The following DPYSL3 variants were observed in gnomAD, a reference collection of about 807,000 sequenced individuals.
The protein encoded by DPYSL3 is dihydropyrimidinase-related protein 3.
DPYSL3 carries 16 observed loss-of-function variants against 66.1 expected under a neutral mutation model. The observed-to-expected ratio is 0.24, with a 90% CI of 0.16 to 0.37. The LOEUF (loss-of-function observed/expected upper bound fraction) is 0.37. Among genes scored for constraint, DPYSL3 ranks in the 10% least tolerant of loss-of-function variants. The pLI is 1.00. For synonymous variants in DPYSL3, 338 were observed against 345.1 expected (o/e 0.98, Z 0.23); for missense variants, 738 against 916.2 (o/e 0.81, Z 2.51).
intron 9 of DPYSL3, 63 bp downstream of exon 9, chr5:147,401,476 AC>A: frequency 2.0e-6 from 3 of 1,518,066 alleles, no homozygotes; most frequent in Non-Finnish European, 2.7e-6. Flanking sequence ...CCTGTCCTCA[AC>A]CCCCAGCTGG....
At chr5:147,447,078 A>G (rs901653466) in intron 1 of DPYSL3, among the ~76,000 whole-genome samples, 1 of 152,234 alleles carries the variant, frequency 6.6e-6, no homozygotes, top group Non-Finnish European at 1.5e-5. Context: ...TCTCTCCAGA[A>G]TGCAAAATGA....
intron 12 of DPYSL3, among the ~76,000 whole-genome samples, chr5:147,396,740 T>C (rs1757985830): frequency 6.6e-6 from 1 of 152,048 alleles, no homozygotes. Flanking sequence ...AGGGTCAATA[T>C]TGGGGAAGTC....
chr5:147,393,317 A>G lies in DPYSL3; in HGVS notation c.*718T>C, dbSNP rs1757867921. On this transcript the variant is annotated 3_prime_UTR_variant, in exon 14 of 14. Transcript: ENST00000343218. ...GGAAAGAGAAGGATTTGAAAGCAAC[A>G]CTAAGAAAGAGGCCTGAGCAAACAC... 1 of 152,380 alleles carries G rather than the reference A, an allele frequency of 6.6e-6. No homozygotes were observed. The highest frequency in any genetic ancestry group is 2.1e-4 in the South Asian group (1 of 4,822). 9.4% of individuals were successfully genotyped at this position (152,380 alleles called of 1,614,324 possible).
At chr5:147,422,822 G>C (rs1044488595) in intron 2 of DPYSL3, among the ~76,000 whole-genome samples, 1 of 152,018 alleles carries the variant, frequency 6.6e-6, no homozygotes, top group African/African-American at 2.4e-5. Flanking sequence ...TATGGGCACG[G>C]GGAGGCGAAC....
intron 2 of DPYSL3, among the ~76,000 whole-genome samples, chr5:147,423,187 T>C (rs1337279176): frequency 6.6e-6 from 1 of 152,212 alleles, no homozygotes; most frequent in East Asian, 1.9e-4. Context: ...AATTGTGGCT[T>C]ATATTTTGAA....
rs1465082528 is a variant in DPYSL3 at position 147,429,595 on chromosome 5, G to C, written c.382-4632C>G. Among the ~76,000 whole-genome samples the C allele has an allele frequency of 3.3e-5, 5 of 152,154 alleles. No individual in the cohort carries two copies. The South Asian group carries it at 6.2e-4, about 19-fold the overall frequency. On this transcript the variant is annotated intron_variant, in intron 1 of 13. Transcript: ENST00000343218. ...GTTTTTAAGCCTTAAGTATGTTGGT[G>C]AGAGACTATTTCTATTTTCCAAATG...
At chr5:147,507,981 A>G (rs527445883) in intron 1 of DPYSL3, among the ~76,000 whole-genome samples, 1 of 152,334 alleles carries the variant, frequency 6.6e-6, no homozygotes, top group Non-Finnish European at 1.5e-5. Flanking sequence ...GGAAGGGAAC[A>G]TTTCAATATG....
chr5:147,405,903 G>T, intron 7 of DPYSL3, 173 bp from the exon 8 acceptor site: 1 of 746,478 alleles, frequency 1.3e-6, no homozygotes, highest in Non-Finnish European at 2.0e-6. Context: ...TCCTAACTGT[G>T]TCACTTTACT....
At chr5:147,429,789 T>C (rs192768083) in intron 1 of DPYSL3, among the ~76,000 whole-genome samples, 145 of 152,242 alleles carry the variant, frequency 9.5e-4, no homozygotes, top group South Asian at 4.1e-4. Flanking sequence ...CTGACAGGGC[T>C]CTCTTCTCTA....
Position 147,424,696 on chromosome 5 carries a change from C to A in DPYSL3, c.470+179G>T, listed in dbSNP as rs149949365. ...GATGATGGCCACATCTTCCACTTTT[C>A]CATGACCCGTAGAATGCTCATCAAT... On this transcript the variant is annotated intron_variant, in intron 2 of 13. Transcript: ENST00000343218. Among the ~76,000 whole-genome samples, 186 of 152,298 alleles carry A rather than the reference C, an allele frequency of 1.2e-3. 5 individuals are homozygous for A. In the East Asian group the frequency reaches 0.03, roughly 25 times the overall value.
At chr5:147,469,503 G>C (rs1312292975) in intron 1 of DPYSL3, among the ~76,000 whole-genome samples, 3 of 152,188 alleles carry the variant, frequency 2.0e-5, no homozygotes, top group East Asian at 1.9e-4. Flanking sequence ...AAATGTTGGA[G>C]AGGTCCTGAT....
chr5:147,412,823 T>G, intron 5 of DPYSL3, 135 bp from the exon 6 acceptor site: 1 of 738,598 alleles, frequency 1.4e-6, no homozygotes, highest in Non-Finnish European at 2.3e-6. Flanking sequence ...AAATATATAT[T>G]ACATAGGCAT....
intron 1 of DPYSL3, chr5:147,473,344 C>A (rs1246372551): frequency 6.6e-6 from 1 of 152,080 alleles, no homozygotes; most frequent in South Asian, 2.1e-4. Flanking sequence ...CAGTAATAAA[C>A]CTGAAGAATG....
At chr5:147,415,373 C>A (rs565225417) in intron 4 of DPYSL3, among the ~76,000 whole-genome samples, 3 of 152,228 alleles carry the variant, frequency 2.0e-5, no homozygotes, top group South Asian at 4.2e-4. Context: ...CCTCTCCTAA[C>A]CTCAGTTTCT....
intron 1 of DPYSL3, among the ~76,000 whole-genome samples, chr5:147,437,550 A>G (rs1285024021): frequency 6.6e-6 from 1 of 152,210 alleles, no homozygotes; most frequent in Non-Finnish European, 1.5e-5. Flanking sequence ...CAGAACACTC[A>G]GCTGTGGTGC....
intron 7 of DPYSL3, chr5:147,405,966 G>C (rs1033493812): frequency 4.3e-5 from 16 of 375,036 alleles, no homozygotes; most frequent in African/African-American, 3.1e-4. Flanking sequence ...GCACAGCATT[G>C]TCATCTGAGA....
At chr5:147,400,586 C>G in intron 10 of DPYSL3, 106 bp downstream of exon 10, 1 of 1,430,470 alleles carries the variant, frequency 7.0e-7, no homozygotes, top group Non-Finnish European at 9.5e-7. Flanking sequence ...AGTACGAGAT[C>G]CCATCTGCAC....
intron 6 of DPYSL3, among the ~76,000 whole-genome samples, chr5:147,409,641 C>T (rs979689568): frequency 2.6e-5 from 4 of 152,172 alleles, no homozygotes; most frequent in Non-Finnish European, 5.9e-5. Context: ...AGTGAGCACA[C>T]ACACATGAAC....
rs114809741 is a variant in DPYSL3 at position 147,460,645 on chromosome 5, C to A, written c.382-35682G>T. On this transcript the variant is annotated intron_variant, in intron 1 of 13. Coordinates refer to ENST00000343218, the MANE Select transcript of DPYSL3 (RefSeq NM_001197294.2). ...AGCAAGAGTCACTGTGTCTAGACACCAGTATCTGTCTGTGTTTAGACAACC... is the reference window on the plus strand; with the variant it reads ...AGCAAGAGTCACTGTGTCTAGACACAAGTATCTGTCTGTGTTTAGACAACC... 3.6e-3 allele frequency among the ~76,000 whole-genome samples: 541 copies of A among 152,204 alleles called. 2 individuals carry two copies. The highest frequency in any genetic ancestry group is 0.012 in the African/African-American group (487 of 41,530).
Sources: allele counts gnomAD v4.1 joint callset (sites outside exome capture counted in the v4.1 genomes callset), GRCh38; gene constraint gnomAD v4.1.1; transcripts MANE v1.5; gene names NCBI Gene and HGNC (gene_info 2026-07-23, HGNC 2026-07-21).